Variants in PDZRN4 observed in about 807,000 individuals in gnomAD.
PDZRN4 encodes the protein PDZ domain-containing RING finger protein 4.
In PDZRN4, 70 loss-of-function variants were observed where a neutral mutation model predicts 99.0. The observed-to-expected ratio is 0.71, with a 90% CI of 0.58 to 0.86. The LOEUF is 0.86. PDZRN4 is among the 40% of genes least tolerant of loss of function. PDZRN4 has a pLI of 0.00. For synonymous variants in PDZRN4, 551 were observed against 501.6 expected, an observed-to-expected ratio of 1.10 and a Z score of -1.32; for missense variants, 1,474 against 1,331.2, an observed-to-expected ratio of 1.11 and a Z score of -1.67.
intron 3 of PDZRN4, among the ~76,000 whole-genome samples, chr12:41,467,539 G>T (rs1952939654): frequency 6.6e-6 from 1 of 152,150 alleles, no homozygotes; most frequent in Non-Finnish European, 1.5e-5. Flanking sequence ...GGGAATTTCT[G>T]GGTTCTATAT....
chr12:41,500,956 T>C (rs1938098578), intron 3 of PDZRN4, among the ~76,000 whole-genome samples: 1 of 152,166 alleles, frequency 6.6e-6, no homozygotes, highest in Admixed American at 6.6e-5. Flanking sequence ...TGACTCTGCG[T>C]CACTTAGGGA....
At chr12:41,398,212 C>T (rs1302368371) in intron 3 of PDZRN4, among the ~76,000 whole-genome samples, 1 of 152,114 alleles carries the variant, frequency 6.6e-6, no homozygotes, top group African/African-American at 2.4e-5. Flanking sequence ...TCATTTCCCC[C>T]AGATCAGAAG....
At chr12:41,502,941 G>A (rs1437962486) in intron 3 of PDZRN4, among the ~76,000 whole-genome samples, 5 of 152,178 alleles carry the variant, frequency 3.3e-5, no homozygotes, top group East Asian at 3.9e-4. Flanking sequence ...CTCCTAGAGG[G>A]TTAACTGTAG....
chr12:41,251,884 C>T (rs537799230), intron 3 of PDZRN4, among the ~76,000 whole-genome samples: 5 of 152,142 alleles, frequency 3.3e-5, no homozygotes, highest in Admixed American at 2.6e-4. Context: ...AGGAGGCTGA[C>T]GCAGGCAGAC....
chr12:41,431,553 GGTAA>G (rs1394740176), intron 3 of PDZRN4, among the ~76,000 whole-genome samples: 2 of 152,154 alleles, frequency 1.3e-5, no homozygotes, highest in African/African-American at 4.8e-5. Context: ...CAGCCTGTAG[GGTAA>G]GTGTTATCTC....
At chr12:41,191,427 T>C (rs1380815073) in intron 1 of PDZRN4, 31 bp from the exon 2 acceptor site, 1 of 1,043,466 alleles carries the variant, frequency 9.6e-7, no homozygotes, top group Non-Finnish European at 1.5e-6. Context: ...TATTTTTACC[T>C]GGTTAAGTCA....
intron 3 of PDZRN4, among the ~76,000 whole-genome samples, chr12:41,366,595 A>T (rs1013973035): frequency 2.0e-5 from 3 of 152,116 alleles, no homozygotes; most frequent in African/African-American, 7.2e-5. Flanking sequence ...GGAATATACC[A>T]TAATGTTTCC....
chr12:41,278,646 A>G (rs1224263549), intron 3 of PDZRN4, among the ~76,000 whole-genome samples: 1 of 152,192 alleles, frequency 6.6e-6, no homozygotes. Flanking sequence ...AATAATCAAA[A>G]TTCCCTACCT....
intron 3 of PDZRN4, among the ~76,000 whole-genome samples, chr12:41,237,491 G>GTACCATACATTACA (rs1951075162): frequency 1.3e-5 from 2 of 152,002 alleles, no homozygotes; most frequent in Admixed American, 1.3e-4. Context: ...GTAATGTATG[G>GTACCATACATTACA]TAAAATAATC....
At chr12:41,317,792 C>T (rs1317805830) in intron 3 of PDZRN4, among the ~76,000 whole-genome samples, 1 of 152,144 alleles carries the variant, frequency 6.6e-6, no homozygotes, top group African/African-American at 2.4e-5. Flanking sequence ...TGCTCTCCAC[C>T]TGCACACACT....
intron 5 of PDZRN4, among the ~76,000 whole-genome samples, chr12:41,527,839 A>G (rs1283811366): frequency 1.3e-5 from 2 of 152,190 alleles, no homozygotes; most frequent in African/African-American, 4.8e-5. Context: ...GTTTACCTCT[A>G]GACTGATTCT....
At chr12:41,241,681 A>AT (rs543217926) in intron 3 of PDZRN4, among the ~76,000 whole-genome samples, 81 of 151,678 alleles carry the variant, frequency 5.3e-4, no homozygotes, top group South Asian at 2.5e-3. Context: ...ACACACAGAC[A>AT]TTTTTTTTTC....
chr12:41,260,275 A>G (rs958627552), intron 3 of PDZRN4, among the ~76,000 whole-genome samples: 1 of 152,100 alleles, frequency 6.6e-6, no homozygotes, highest in African/African-American at 2.4e-5. Flanking sequence ...CCTATTTTCT[A>G]GCAGCATTTT....
chr12:41,383,416 A>T (rs1952140839), intron 3 of PDZRN4, among the ~76,000 whole-genome samples: 2 of 152,234 alleles, frequency 1.3e-5, no homozygotes, highest in African/African-American at 4.8e-5. Flanking sequence ...ACTTTCATAT[A>T]TTTATGGTAA....
At chr12:41,515,408 T>G (rs1938384141) in intron 5 of PDZRN4, among the ~76,000 whole-genome samples, 1 of 152,012 alleles carries the variant, frequency 6.6e-6, no homozygotes, top group African/African-American at 2.4e-5. Flanking sequence ...TTTATATCAC[T>G]TACTACTGGG....
chr12:41,408,874 C>T (rs948823094), intron 3 of PDZRN4, among the ~76,000 whole-genome samples: 2 of 150,866 alleles, frequency 1.3e-5, no homozygotes, highest in African/African-American at 2.4e-5. Context: ...TTTCTTTCTC[C>T]TTATTACTCT....
chr12:41,399,847 G>T (rs57596398), intron 3 of PDZRN4, among the ~76,000 whole-genome samples: 1 of 151,402 alleles, frequency 6.6e-6, no homozygotes, highest in African/African-American at 2.4e-5. Context: ...TGGGTTTTTC[G>T]TTTTTAGGGT....
intron 3 of PDZRN4, among the ~76,000 whole-genome samples, chr12:41,264,089 G>GA (rs938132231): frequency 3.9e-5 from 6 of 152,090 alleles, no homozygotes; most frequent in Admixed American, 6.5e-5. Context: ...TAAGGAAAGA[G>GA]AAAAAACCTA....
At chr12:41,357,875 G>A (rs547358768) in intron 3 of PDZRN4, among the ~76,000 whole-genome samples, 4 of 152,020 alleles carry the variant, frequency 2.6e-5, no homozygotes, top group African/African-American at 7.2e-5. Context: ...CTAACAAGCT[G>A]TATCACCTCT....
Sources: allele counts gnomAD v4.1 joint callset (sites outside exome capture counted in the v4.1 genomes callset), GRCh38; gene constraint gnomAD v4.1.1; transcripts MANE v1.5; gene names NCBI Gene and HGNC (gene_info 2026-07-23, HGNC 2026-07-21).